The following SIPA1 variants were observed in gnomAD, a reference collection of about 807,000 sequenced individuals.
The protein encoded by SIPA1 is signal-induced proliferation-associated 1, also known as signal-induced proliferation-associated protein 1.
A neutral mutation model predicts 88.1 loss-of-function variants in SIPA1; 51 were observed. That is an observed-to-expected ratio of 0.58 (90% CI 0.46 to 0.73). The LOEUF (loss-of-function observed/expected upper bound fraction) is 0.73, where lower values mean the gene tolerates loss of function less well. Among genes scored for constraint, SIPA1 ranks in the 30% least tolerant of loss-of-function variants. The probability of loss-of-function intolerance (pLI) is 0.00; values close to 1 mark genes in which losing one functional copy is unlikely to be tolerated. For missense variants in SIPA1, 1,348 were observed against 1,467.6 expected, an observed-to-expected ratio of 0.92 and a Z score of 1.33; for synonymous variants, 681 against 664.8, an observed-to-expected ratio of 1.02 and a Z score of -0.37.
In SIPA1 at chr11:65,650,037, C is replaced by T. The variant is rs374807704; in HGVS notation, c.2834C>T (p.Ser945Leu). The T allele has an allele frequency of 9.5e-5, 153 of 1,613,978 alleles. No individual in the cohort carries two copies. In the South Asian group the frequency reaches 1.0e-3, roughly 11 times the overall value. Residue 945 changes from serine to leucine, a missense_variant, in exon 13 of 16, where the codon TCG (serine) becomes TTG (leucine). This residue lies in a region of SIPA1 where 615 missense variants were observed against 559.8 expected (regional missense o/e 1.10). Transcript: ENST00000534313. ...IASTCNTILESLSREGQPIPE... is the reference protein window; with the variant it reads ...IASTCNTILELLSREGQPIPE... ...TCTACTTGCAACACCATTCTGGAGT[C>T]GCTGTCCCGAGAGGGTGAGGCCACC... is the stretch of plus-strand genomic sequence containing the variant.
chr11:65,650,275 C>T lies in SIPA1; in HGVS notation c.2903+83C>T, dbSNP rs148074472. ...CCTGTCTGCTGGGGTGGAGCTCTGT[C>T]CTGGGCTCTGCTGCCACATATGCCT... On this transcript the variant is annotated intron_variant, in intron 14 of 15. Coordinates refer to ENST00000534313, the MANE Select transcript of SIPA1 (RefSeq NM_006747.4). 2,413 of 1,553,880 alleles carry T rather than the reference C, an allele frequency of 1.6e-3. 6 individuals are homozygous for T. The highest frequency in any genetic ancestry group is 1.9e-3 in the Non-Finnish European group (2,112 of 1,127,030).
rs143492017 is a variant in SIPA1 at position 65,641,369 on chromosome 11, G to A, written c.448G>A (p.Glu150Lys). Residue 150 changes from glutamate to lysine, a missense_variant, in exon 2 of 16, where the codon GAG becomes AAG. Coordinates refer to ENST00000534313, the MANE Select transcript of SIPA1 (RefSeq NM_006747.4). ...EASSGTLASA[E>K]DQAASSDLLH... ...CAGCTCTGGGACCCTGGCTTCAGCC[G>A]AGGACCAGGCTGCCAGCTCGGACCT... 67 of 1,613,312 alleles carry A rather than the reference G, an allele frequency of 4.2e-5. No individual in the cohort carries two copies. Among genetic ancestry groups the A allele is most frequent in the African/African-American group, 1.9e-4 (14 of 75,068 alleles).
chr11:65,649,288 C>T lies in SIPA1; in HGVS notation c.2333C>T (p.Ser778Leu), dbSNP rs752725719. ...AGTTTTTCGGAGCTGTACACGCTGT[C>T]GCTGCAGGAGCCTAGCCGGCGGGGG... ...RRSFSELYTL[S>L]LQEPSRRGAP... Residue 778 changes from serine to leucine, a missense_variant, in exon 10 of 16, where the codon TCG becomes TTG. Physicochemically the swap from Ser to Leu is moderately radical, Grantham distance 145. This residue lies in a region of SIPA1 where 615 missense variants were observed against 559.8 expected (regional missense o/e 1.10). Transcript: ENST00000534313. 42 of 1,548,320 alleles carry T rather than the reference C, an allele frequency of 2.7e-5. No individual in the cohort carries two copies. In the Admixed American group the frequency reaches 4.3e-4, roughly 16 times the overall value.
chr11:65,649,651 C>T lies in SIPA1; in HGVS notation c.2616C>T (p.Asp872=). Reference sequence around the variant, plus strand: ...CCAAGCCATCAGTACCCAGTGCTGACAGTGAGACACCCCTGACCCAGGTGA... The same window carrying T: ...CCAAGCCATCAGTACCCAGTGCTGATAGTGAGACACCCCTGACCCAGGTGA... ...TTAKPSVPSA[D]SETPLTQDRP... is the part of the protein sequence containing the mutation. Residue 872 remains aspartate, a synonymous_variant, in exon 11 of 16, where the codon GAC becomes GAT. Transcript: ENST00000534313. 6.2e-7 allele frequency: 1 copy of T among 1,614,082 alleles called. No individual in the cohort carries two copies. The highest frequency in any genetic ancestry group is 1.3e-5 in the African/African-American group (1 of 75,034).
In SIPA1 at chr11:65,650,783, C is replaced by G; in HGVS notation, c.*68C>G. 1 of 1,448,692 alleles carries G rather than the reference C, an allele frequency of 6.9e-7. No homozygotes were observed. The highest frequency in any genetic ancestry group is 1.4e-5 in the South Asian group (1 of 73,382). The allele number at this position is 1,448,692 out of a possible 1,614,324, so 89.7% of individuals were successfully genotyped here. The stretch of plus-strand genomic sequence containing the variant: ...ACTGGGCCCTCCTCAGGAACTCTCC[C>G]TGCGCAGAGGCGTGTCTTAGCACTG... On this transcript the variant is annotated 3_prime_UTR_variant, in exon 16 of 16. Coordinates refer to ENST00000534313, the MANE Select transcript of SIPA1 (RefSeq NM_006747.4).
At position 65,642,901 on chromosome 11, in the gene SIPA1, C is replaced by CTTTA. The variant is rs145227969; in HGVS notation, c.984+290_984+293dup. Among the ~76,000 whole-genome samples, 7,295 of 146,854 alleles carry CTTTA rather than the reference C, an allele frequency of 0.05. 280 individuals are homozygous for CTTTA. The highest frequency in any genetic ancestry group is 0.094 in the African/African-American group (3,696 of 39,384). ...CAGACCATCTGAATCAGAGTTTGCA[C>CTTTA]TTTATTTATTTATTTATTTATTTAT... On this transcript the variant is annotated intron_variant, in intron 4 of 15. Transcript: ENST00000534313. This position sits in a 1 kb window ranked among gnomAD's most constrained non-coding sequence, Gnocchi z 6.5.
chr11:65,647,011 G>C lies in SIPA1; in HGVS notation c.1977G>C (p.Leu659=). The C allele has an allele frequency of 6.5e-7, 1 of 1,540,010 alleles. No homozygotes were observed. Among genetic ancestry groups the C allele is most frequent in the African/African-American group, 1.4e-5 (1 of 73,324 alleles). Residue 659 remains leucine (L), a synonymous_variant, in exon 8 of 16, where the codon CTG becomes CTC. Coordinates refer to ENST00000534313, the MANE Select transcript of SIPA1 (RefSeq NM_006747.4). Reference sequence around the variant, plus strand: ...ACGGCCGCGGGGAGGCGATCACGCTGCGCTTCGACGGGTCCCCCGGCCAAG... The same window carrying C: ...ACGGCCGCGGGGAGGCGATCACGCTCCGCTTCGACGGGTCCCCCGGCCAAG... The part of the protein sequence containing the change: ...LYHGRGEAIT[L]RFDGSPGQAV...
chr11:65,650,305 G>A, intron 14 of SIPA1, 96 bp from the exon 15 acceptor site: 1 of 1,540,948 alleles, frequency 6.5e-7, no homozygotes. Context: ...ATGCCTAGAA[G>A]ACCAGCGGGG....
Position 65,647,620 on chromosome 11 carries a change from C to T in SIPA1, c.2268C>T (p.Val756=). The T allele has an allele frequency of 7.1e-7, 1 of 1,409,668 alleles. No homozygotes were observed. Among genetic ancestry groups the T allele is most frequent in the Non-Finnish European group, 9.2e-7 (1 of 1,086,258 alleles). The allele number at this position is 1,409,668 out of a possible 1,614,324, so 87.3% of individuals were successfully genotyped here. A position where few individuals can be genotyped will look rare whatever the true frequency, so the allele number is the denominator to read the frequency against. ...TGCGCTCGGCGCCCAAGGTCTGCGT[C>T]ACCGTCCTGCCCCCCGACGAGAGCG... ...QLLRSAPKVC[V]TVLPPDESGR... Residue 756 remains valine (V), a synonymous_variant, in exon 9 of 16, where the codon GTC becomes GTT. Transcript: ENST00000534313.
rs1301511362 is a variant in SIPA1, at chr11:65,642,560, A to C, written c.905A>C (p.Gln302Pro). 6.2e-7 allele frequency: 1 copy of C among 1,602,324 alleles called. No homozygotes were observed. The highest frequency in any genetic ancestry group is 1.7e-5 in the Admixed American group (1 of 59,480). The change falls in exon 4 of 16, where the codon CAG becomes CCG. Residue 302 changes from glutamine (Q) to proline (P), a missense_variant. By Grantham distance (76) the Gln-to-Pro change is moderately conservative. Coordinates refer to ENST00000534313, the MANE Select transcript of SIPA1 (RefSeq NM_006747.4). This position sits in a 1 kb window ranked among gnomAD's most constrained non-coding sequence, Gnocchi z 6.5. Reference sequence around the variant, plus strand: ...AAACTTCTGGAGCACGTGGCGCCGCAGCTGAGCCCCAGCTGCCTGCGCCTG... The same window carrying C: ...AAACTTCTGGAGCACGTGGCGCCGCCGCTGAGCCCCAGCTGCCTGCGCCTG... ...PRKLLEHVAP[Q>P]LSPSCLRLGS... is the part of the protein sequence containing the mutation.
chr11:65,646,102 C>T lies in SIPA1; in HGVS notation c.1264-119C>T, dbSNP rs1427439319. On this transcript the variant is annotated intron_variant, in intron 6 of 15. Transcript: ENST00000534313. The surrounding 1 kb of genome is among the most constrained non-coding windows in gnomAD (Gnocchi z 7.5). The stretch of plus-strand genomic sequence containing the variant: ...GCCCCTTCCCAAAGACAGAAACACC[C>T]TAGGTCTTCACCAGGGGCAGTGGGG... 1.5e-6 allele frequency: 2 copies of T among 1,365,500 alleles called. No homozygotes were observed. The highest frequency in any genetic ancestry group is 1.8e-5 in the Admixed American group (1 of 55,716). 84.6% of individuals were successfully genotyped at this position (1,365,500 alleles called of 1,614,324 possible).
chr11:65,647,688 GA>G, intron 9 of SIPA1, 30 bp downstream of exon 9: 2 of 1,321,010 alleles, frequency 1.5e-6, no homozygotes. Context: ...GGGGAGGTGG[GA>G]GGGCCGGCAG....
At position 65,644,951 on chromosome 11, in the gene SIPA1, A is replaced by C. The variant is rs543766382; in HGVS notation, c.985-4A>C. The C allele has an allele frequency of 1.9e-6, 3 of 1,610,864 alleles. No individual in the cohort carries two copies. Among genetic ancestry groups the C allele is most frequent in the Non-Finnish European group, 2.5e-6 (3 of 1,177,906 alleles). ...GACCTATGCCTTCTGTCTCCCACCC[A>C]CAGCTGAGCTTCCAACGCAAGGTGG... On this transcript the variant is annotated splice_region_variant and splice_polypyrimidine_tract_variant and intron_variant, in intron 4 of 15. Transcript: ENST00000534313.
chr11:65,650,625 C>T lies in SIPA1; in HGVS notation c.3039C>T (p.Asn1013=), dbSNP rs774257235. The T allele has an allele frequency of 1.9e-6, 3 of 1,576,842 alleles. No individual in the cohort carries two copies. Among genetic ancestry groups the T allele is most frequent in the East Asian group, 2.3e-5 (1 of 42,682 alleles). ...EEEVRSLRHN[N]RRLQAESESA... ...AGGTGCGGAGCCTGAGACACAACAA[C>T]CGGCGGCTGCAGGCGGAGTCTGAGA... Residue 1013 remains asparagine (N), a synonymous_variant, in exon 16 of 16, where the codon AAC becomes AAT. Transcript: ENST00000534313.
At position 65,646,531 on chromosome 11, in the gene SIPA1, C is replaced by G. The variant is rs1208553338; in HGVS notation, c.1497C>G (p.Ala499=). ...ALPAGGGPFA[A]NADFRAFLLA... Reference sequence around the variant, plus strand: ...CTGCTGGCGGAGGCCCCTTCGCAGCCAACGCCGACTTCCGGGCCTTCCTGC... The same window carrying G: ...CTGCTGGCGGAGGCCCCTTCGCAGCGAACGCCGACTTCCGGGCCTTCCTGC... The change falls in exon 8 of 16, where the codon GCC becomes GCG. Residue 499 remains alanine (A), a synonymous_variant. Transcript: ENST00000534313. This position sits in a 1 kb window ranked among gnomAD's most constrained non-coding sequence, Gnocchi z 7.5. The G allele has an allele frequency of 4.5e-6, 7 of 1,564,572 alleles. No individual in the cohort carries two copies. The Admixed American group carries it at 1.3e-4, about 28-fold the overall frequency.
chr11:65,641,858 G>A (rs560919979), intron 2 of SIPA1, among the ~76,000 whole-genome samples: 12 of 152,324 alleles, frequency 7.9e-5, no homozygotes, highest in African/African-American at 2.6e-4. Context: ...GGTTCAACCT[G>A]CCAGGCTGGG....
rs940278086 is a variant in SIPA1 at position 65,645,032 on chromosome 11, G to A, written c.1062G>A (p.Gln354=). 1 of 1,614,088 alleles carries A rather than the reference G, an allele frequency of 6.2e-7. No individual in the cohort carries two copies. Among genetic ancestry groups the A allele is most frequent in the East Asian group, 2.2e-5 (1 of 44,888 alleles). Residue 354 remains glutamine (Q), a synonymous_variant, in exon 5 of 16, where the codon CAG becomes CAA. Coordinates refer to ENST00000534313, the MANE Select transcript of SIPA1 (RefSeq NM_006747.4). ...QGSEEEMYNN[Q]EAGPAFMQFL... ...CGGAGGAGGAGATGTACAACAACCA[G>A]GAGGCGGGACCGGCCTTCATGCAGT... is the stretch of plus-strand genomic sequence containing the variant.
rs779844584 is a variant in SIPA1, at chr11:65,645,988, T to G, written c.1263+31T>G. 2.6e-6 allele frequency: 4 copies of G among 1,536,038 alleles called. No individual in the cohort carries two copies. The Admixed American group carries it at 7.0e-5, about 27-fold the overall frequency. ...AGGGGGACCAACGTGGGGGTGGGGC[T>G]TCCGGGAACCATGGAGGGCCCTGCA... On this transcript the variant is annotated intron_variant, in intron 6 of 15. Coordinates refer to ENST00000534313, the MANE Select transcript of SIPA1 (RefSeq NM_006747.4).
chr11:65,648,821 A>G (rs1856190927), intron 9 of SIPA1, among the ~76,000 whole-genome samples: 1 of 151,692 alleles, frequency 6.6e-6, no homozygotes, highest in African/African-American at 2.4e-5. Flanking sequence ...GGGCAACAAG[A>G]GCAAAACTCC....
Sources: allele counts gnomAD v4.1 joint callset (sites outside exome capture counted in the v4.1 genomes callset), GRCh38; gene constraint gnomAD v4.1.1; regional missense constraint gnomAD v4.1.1; non-coding constraint Gnocchi (gnomAD v3.1); transcripts MANE v1.5; gene names NCBI Gene and HGNC (gene_info 2026-07-23, HGNC 2026-07-21).